The following TUBGCP3 variants were observed in gnomAD, a reference collection of about 807,000 sequenced individuals.
TUBGCP3 encodes tubulin gamma complex component 3, also known as gamma-tubulin complex component 3.
Under a neutral mutation model 123.1 loss-of-function variants are expected in TUBGCP3, and 50 were observed. The observed-to-expected ratio is 0.41, with a 90% confidence interval of 0.32 to 0.51. TUBGCP3 has a LOEUF of 0.51. TUBGCP3 is among the 20% of genes least tolerant of loss of function. The pLI is 0.36. For missense variants in TUBGCP3, 882 were observed against 1,127.0 expected (o/e 0.78, Z 3.11); for synonymous variants, 405 against 413.9 (o/e 0.98, Z 0.26).
chr13:112,598,556 T>C, the TUBGCP3 span, among the ~76,000 whole-genome samples: 2 of 152,192 alleles, frequency 1.3e-5, no homozygotes, highest in African/African-American at 4.8e-5. Flanking sequence ...AAGTACCATT[T>C]ATATTAAACT....
chr13:112,573,583 C>A (rs901682208), intron 1 of TUBGCP3, among the ~76,000 whole-genome samples: 2 of 152,178 alleles, frequency 1.3e-5, no homozygotes, highest in Non-Finnish European at 2.9e-5. Context: ...GAACTCCCAC[C>A]CTCAGTACAA....
At chr13:112,604,187 G>A in the TUBGCP3 span, 1 of 151,460 alleles carries the variant, frequency 6.6e-6, no homozygotes, top group Admixed American at 6.6e-5. Flanking sequence ...GATCTTTAGA[G>A]TCTTGTATTA....
At chr13:112,536,641 G>A (rs1022688847) in intron 11 of TUBGCP3, among the ~76,000 whole-genome samples, 5 of 152,152 alleles carry the variant, frequency 3.3e-5, no homozygotes, top group Non-Finnish European at 4.4e-5. Context: ...TATTGAGCTT[G>A]TATCCTGCCA....
rs182807176 is a variant in TUBGCP3, at chr13:112,583,839, G to A, written c.76+4066C>T. Among the ~76,000 whole-genome samples, 338 of 152,310 alleles carry A rather than the reference G, an allele frequency of 2.2e-3. 2 individuals carry two copies. Among genetic ancestry groups the A allele is most frequent in the African/African-American group, 7.7e-3 (322 of 41,566 alleles). ...TGGGAGTAAGCCACAGTGCTTAGTA[G>A]AGGAACAGAGCACATACACTAGCCA... On this transcript the variant is annotated intron_variant, in intron 1 of 21. Coordinates refer to ENST00000261965, the MANE Select transcript of TUBGCP3 (RefSeq NM_006322.6).
At chr13:112,521,198 A>G (rs1364655597) in intron 14 of TUBGCP3, among the ~76,000 whole-genome samples, 1 of 152,184 alleles carries the variant, frequency 6.6e-6, no homozygotes, top group Non-Finnish European at 1.5e-5. Context: ...CTCATACTTC[A>G]AACAGGTGTT....
chr13:112,556,121 T>C lies in TUBGCP3; in HGVS notation c.652A>G (p.Thr218Ala). ...TANQPSSQAT[T>A]SKGVPSAVSR... Reference sequence around the variant, plus strand: ...ACAGCACTGGGGACACCTTTTGAGGTAGTGGCTTGTGAAGAAGGCTGATTT... The same window carrying C: ...ACAGCACTGGGGACACCTTTTGAGGCAGTGGCTTGTGAAGAAGGCTGATTT... The change falls in exon 6 of 22, where the codon ACC becomes GCC. Residue 218 changes from threonine to alanine, a missense_variant. Physicochemically the swap from Thr to Ala is moderately conservative, Grantham distance 58 (BLOSUM62 0). Around this residue, in one of 3 missense-constraint regions of TUBGCP3, gnomAD observed 713 missense variants for 874.0 expected, o/e 0.82. Coordinates refer to ENST00000261965, the MANE Select transcript of TUBGCP3 (RefSeq NM_006322.6). 5 of 1,614,032 alleles carry C rather than the reference T, an allele frequency of 3.1e-6. No homozygotes were observed. Among genetic ancestry groups the C allele is most frequent in the Non-Finnish European group, 4.2e-6 (5 of 1,179,974 alleles).
At chr13:112,526,356 T>G (rs1047892454) in intron 13 of TUBGCP3, among the ~76,000 whole-genome samples, 22 of 129,642 alleles carry the variant, frequency 1.7e-4, no homozygotes, top group African/African-American at 6.3e-4. Flanking sequence ...ATCCCCATCA[T>G]CACTATCATC....
chr13:112,550,778 T>C (rs369104815), intron 8 of TUBGCP3, among the ~76,000 whole-genome samples: 24 of 152,278 alleles, frequency 1.6e-4, no homozygotes, highest in African/African-American at 5.5e-4. Context: ...AGCAGACACA[T>C]AAACACATCA....
intron 17 of TUBGCP3, among the ~76,000 whole-genome samples, chr13:112,510,293 T>C (rs940949193): frequency 6.6e-6 from 1 of 152,232 alleles, no homozygotes; most frequent in Non-Finnish European, 1.5e-5. Context: ...GATGCCCCTA[T>C]AGATAGCATC....
At chr13:112,535,809 TG>T (rs1877996572) in intron 11 of TUBGCP3, among the ~76,000 whole-genome samples, 1 of 152,236 alleles carries the variant, frequency 6.6e-6, no homozygotes, top group African/African-American at 2.4e-5. Flanking sequence ...TCACTGCTGG[TG>T]CTTTTGATGA....
At chr13:112,559,208 C>T in intron 4 of TUBGCP3, 114 bp downstream of exon 4, 3 of 821,592 alleles carry the variant, frequency 3.7e-6, no homozygotes, top group Non-Finnish European at 3.8e-6. Context: ...CCTTCCATGA[C>T]AGACAAGCTT....
intron 16 of TUBGCP3, among the ~76,000 whole-genome samples, chr13:112,517,423 G>A (rs1044781432): frequency 2.6e-5 from 4 of 152,184 alleles, no homozygotes; most frequent in African/African-American, 4.8e-5. Context: ...GTAATACTAC[G>A]AAATAATTAA....
intron 21 of TUBGCP3, 151 bp from the exon 22 acceptor site, chr13:112,486,302 G>A (rs1879667103): frequency 4.1e-6 from 4 of 967,818 alleles, no homozygotes; most frequent in Non-Finnish European, 6.1e-6. Flanking sequence ...GGTGTCCAGG[G>A]AGCAAGAGCT....
In TUBGCP3 at chr13:112,504,022, G is replaced by A. The variant is rs377470399; in HGVS notation, c.2307+10C>T. The A allele has an allele frequency of 2.8e-5, 45 of 1,603,792 alleles. No individual in the cohort carries two copies. Among genetic ancestry groups the A allele is most frequent in the East Asian group, 9.0e-5 (4 of 44,624 alleles). On this transcript the variant is annotated intron_variant, in intron 19 of 21. Coordinates refer to ENST00000261965, the MANE Select transcript of TUBGCP3 (RefSeq NM_006322.6). ...TTGGTTTCTTGTTTCTAAGCAGGTC[G>A]GAGTCTTACCCTGGAGTCACTGTCC...
intron 1 of TUBGCP3, among the ~76,000 whole-genome samples, chr13:112,586,100 G>T (rs9603910): frequency 0.14 from 21,248 of 151,874 alleles, 2,557 homozygotes; most frequent in African/African-American, 0.32. Context: ...TGAGCCAGGC[G>T]TGGTGGCGGG....
chr13:112,530,114 C>A (rs529078313), intron 11 of TUBGCP3, among the ~76,000 whole-genome samples: 83 of 152,220 alleles, frequency 5.5e-4, no homozygotes, highest in South Asian at 1.5e-3. Context: ...ATAGGATGGC[C>A]TCAGTTGATT....
intron 1 of TUBGCP3, among the ~76,000 whole-genome samples, chr13:112,584,623 T>C (rs1182892232): frequency 1.3e-5 from 2 of 152,256 alleles, no homozygotes; most frequent in African/African-American, 4.8e-5. Flanking sequence ...CATAGAGGTC[T>C]TGCATATTAT....
At chr13:112,522,546 G>A (rs367604501) in intron 13 of TUBGCP3, 37 bp from the exon 14 acceptor site, 1 of 1,574,536 alleles carries the variant, frequency 6.4e-7, no homozygotes, top group African/African-American at 1.3e-5. Flanking sequence ...ACATGCATAT[G>A]TAATTTGTAT....
intron 11 of TUBGCP3, among the ~76,000 whole-genome samples, chr13:112,544,061 GAC>G (rs1418204775): frequency 6.6e-6 from 1 of 152,214 alleles, no homozygotes. Context: ...ACAAAGTGTT[GAC>G]AAGGACGCGG....
Sources: gnomAD v4.1 joint callset for allele counts (sites outside exome capture counted in the v4.1 genomes callset) on GRCh38, gnomAD v4.1.1 for gene constraint, gnomAD v4.1.1 regional missense constraint, MANE v1.5 for transcripts, NCBI Gene and HGNC (gene_info 2026-07-23, HGNC 2026-07-21) for gene names.